The following PDE3B variants were observed in gnomAD, a reference collection of about 807,000 sequenced individuals.
PDE3B encodes phosphodiesterase 3B, also known as cGMP-inhibited 3',5'-cyclic phosphodiesterase 3B.
A neutral mutation model predicts 116.8 loss-of-function variants in PDE3B; 66 were observed. The observed-to-expected ratio is 0.56, with a 90% confidence interval of 0.46 to 0.69. PDE3B has a LOEUF of 0.69. PDE3B is among the 30% of genes least tolerant of loss of function. PDE3B has a pLI of 0.00. For synonymous variants in PDE3B, 595 were observed against 533.6 expected (o/e 1.12, Z -1.59); for missense variants, 1,384 against 1,368.1 (o/e 1.01, Z -0.18).
At chr11:14,750,688 A>G (rs1349511579) in intron 1 of PDE3B, among the ~76,000 whole-genome samples, 2 of 152,132 alleles carry the variant, frequency 1.3e-5, no homozygotes, top group African/African-American at 4.8e-5. Context: ...TTTGAAAAGG[A>G]TCCATAGGCT....
At chr11:14,866,748 T>C (rs1848055038) in intron 14 of PDE3B, among the ~76,000 whole-genome samples, 1 of 152,206 alleles carries the variant, frequency 6.6e-6, no homozygotes, top group African/African-American at 2.4e-5. Context: ...AAAATGTTAA[T>C]AGTACCATTT....
In PDE3B at chr11:14,644,732, C is replaced by G; in HGVS notation, c.657C>G (p.Cys219Trp). ...CGCACCCGCTGCGGCTCCGGCACTG[C>G]GTTCTGGTGCTGCTCCTGGCCAGCT... ...TLAHPLRLRH[C>W]VLVLLLASFV... Residue 219 changes from cysteine to tryptophan, a missense_variant, in exon 1 of 16, where the codon TGC becomes TGG. By Grantham distance (215) the Cys-to-Trp change is radical. Around this residue, in one of 2 missense-constraint regions of PDE3B, gnomAD observed 956 missense variants for 806.8 expected, o/e 1.18. Transcript: ENST00000282096. 2.0e-5 allele frequency: 32 copies of G among 1,566,616 alleles called. No homozygotes were observed. Among genetic ancestry groups the G allele is most frequent in the Non-Finnish European group, 2.8e-5 (32 of 1,157,988 alleles).
the PDE3B span, chr11:14,891,790 T>C: frequency 5.0e-6 from 7 of 1,406,364 alleles, no homozygotes; most frequent in African/African-American, 8.8e-5. Flanking sequence ...GGGCTCCCCC[T>C]GCAAGGGGGC....
At chr11:14,718,474 T>A (rs1359850519) in intron 1 of PDE3B, among the ~76,000 whole-genome samples, 15 of 148,586 alleles carry the variant, frequency 1.0e-4, no homozygotes, top group South Asian at 2.2e-4. Context: ...ATACGTTTTT[T>A]TCAGCACCAC....
chr11:14,867,243 C>A (rs1196732671), intron 14 of PDE3B, among the ~76,000 whole-genome samples: 3 of 152,024 alleles, frequency 2.0e-5, no homozygotes, highest in Non-Finnish European at 2.9e-5. Context: ...ATATCTGATA[C>A]TTATTTTAAT....
At chr11:14,847,242 T>A (rs1198989804) in intron 12 of PDE3B, among the ~76,000 whole-genome samples, 1 of 151,630 alleles carries the variant, frequency 6.6e-6, no homozygotes, top group Non-Finnish European at 1.5e-5. Flanking sequence ...GAATGACTAC[T>A]GGGTACATAA....
intron 1 of PDE3B, among the ~76,000 whole-genome samples, chr11:14,746,071 C>T (rs1436305344): frequency 6.6e-6 from 1 of 152,216 alleles, no homozygotes; most frequent in African/African-American, 2.4e-5. Flanking sequence ...AGGAAGCCCT[C>T]TCATAAAATT....
At chr11:14,794,402 T>C (rs1858486790) in intron 4 of PDE3B, among the ~76,000 whole-genome samples, 1 of 151,794 alleles carries the variant, frequency 6.6e-6, no homozygotes, top group Admixed American at 6.6e-5. Context: ...CTGCAGTCTC[T>C]GCCTCCTGGG....
At chr11:14,786,731 T>G in intron 3 of PDE3B, 46 bp downstream of exon 3, 1 of 1,449,714 alleles carries the variant, frequency 6.9e-7, no homozygotes, top group Non-Finnish European at 9.6e-7. Context: ...AATTTAATGA[T>G]ATTTTCAAAT....
intron 5 of PDE3B, among the ~76,000 whole-genome samples, chr11:14,806,873 A>G (rs914574882): frequency 1.3e-5 from 2 of 150,696 alleles, no homozygotes; most frequent in African/African-American, 2.4e-5. Context: ...AAAAAAAAAA[A>G]AAAAAAAGAA....
At chr11:14,892,020 G>A in the PDE3B span, 15 of 1,613,196 alleles carry the variant, frequency 9.3e-6, no homozygotes, top group Admixed American at 3.3e-5. Context: ...TGTAGACATG[G>A]GGAAGCTCGG....
intron 1 of PDE3B, among the ~76,000 whole-genome samples, chr11:14,655,084 T>C (rs991086717): frequency 6.6e-6 from 1 of 152,138 alleles, no homozygotes; most frequent in Non-Finnish European, 1.5e-5. Flanking sequence ...ATATAAAGAT[T>C]GTCCACTTGG....
At chr11:14,660,456 C>A (rs1853863831) in intron 1 of PDE3B, among the ~76,000 whole-genome samples, 1 of 151,788 alleles carries the variant, frequency 6.6e-6, no homozygotes, top group African/African-American at 2.4e-5. Context: ...CACGTGCCAC[C>A]ATTCCTGGCT....
chr11:14,657,270 C>T (rs1565075764), intron 1 of PDE3B, among the ~76,000 whole-genome samples: 3 of 152,174 alleles, frequency 2.0e-5, no homozygotes, highest in African/African-American at 7.2e-5. Flanking sequence ...TATGCAGCAC[C>T]TCCCCAGGAA....
the PDE3B span, among the ~76,000 whole-genome samples, chr11:14,894,501 A>G: frequency 6.6e-6 from 1 of 152,246 alleles, no homozygotes; most frequent in Admixed American, 6.5e-5. Context: ...ATTTATTTTC[A>G]GAAAGGATTA....
rs1332613521 is a variant in PDE3B, at chr11:14,786,642, A to G, written c.1235A>G (p.Glu412Gly). ...TPFPGFYPCS[E>G]IEDPAEKGDR... The stretch of plus-strand genomic sequence containing the variant: ...TTTCCTGGATTTTACCCCTGTTCTG[A>G]AATAGAGGACCCAGCTGAGAAAGGG... The change falls in exon 3 of 16, where the codon GAA becomes GGA. Residue 412 changes from glutamate to glycine, a missense_variant. This residue lies in a region of PDE3B where 956 missense variants were observed against 806.8 expected (regional missense o/e 1.18). Coordinates refer to ENST00000282096, the MANE Select transcript of PDE3B (RefSeq NM_000922.4). The G allele has an allele frequency of 1.2e-6, 2 of 1,612,454 alleles. No homozygotes were observed. Among genetic ancestry groups the G allele is most frequent in the African/African-American group, 2.7e-5 (2 of 74,840 alleles).
chr11:14,891,014 A>C, the PDE3B span: 1 of 985,318 alleles, frequency 1.0e-6, no homozygotes, highest in South Asian at 4.7e-5. Context: ...CAACTCCTTA[A>C]AAGGCTGTAT....
the PDE3B span, chr11:14,892,201 C>T: frequency 1.9e-6 from 3 of 1,609,778 alleles, no homozygotes; most frequent in South Asian, 1.1e-5. Flanking sequence ...CCAAAGCTTC[C>T]ACATCGGCCC....
In PDE3B at chr11:14,870,883, T is replaced by G. The variant is rs1278436012; in HGVS notation, c.*1223T>G. Reference sequence around the variant, plus strand: ...AAAGTACATTATTAAATAACCACATTATTAAAATAATTGCAAGAAAATGGA... The same window carrying G: ...AAAGTACATTATTAAATAACCACATGATTAAAATAATTGCAAGAAAATGGA... On this transcript the variant is annotated 3_prime_UTR_variant, in exon 16 of 16. Coordinates refer to ENST00000282096, the MANE Select transcript of PDE3B (RefSeq NM_000922.4). The surrounding 1 kb of genome is among the most constrained non-coding windows in gnomAD (Gnocchi z 4.1). The G allele has an allele frequency of 1.3e-5, 2 of 152,206 alleles. No individual in the cohort carries two copies. Among genetic ancestry groups the G allele is most frequent in the Non-Finnish European group, 1.5e-5 (1 of 68,008 alleles). 9.4% of individuals were successfully genotyped at this position (152,206 alleles called of 1,614,324 possible).
Sources: gnomAD v4.1 joint callset for allele counts (sites outside exome capture counted in the v4.1 genomes callset) on GRCh38, gnomAD v4.1.1 for gene constraint, gnomAD v4.1.1 regional missense constraint, Gnocchi (gnomAD v3.1) non-coding constraint, MANE v1.5 for transcripts, NCBI Gene and HGNC (gene_info 2026-07-23, HGNC 2026-07-21) for gene names.